Variants in COL5A2 observed in about 807,000 individuals in gnomAD.
The protein encoded by COL5A2 is collagen alpha-2(V) chain.
COL5A2 carries 23 observed loss-of-function variants against 208.2 expected under a neutral mutation model. The observed-to-expected ratio is 0.11, with a 90% CI of 0.08 to 0.16. The LOEUF is 0.16. COL5A2 is among the 10% of genes least tolerant of loss of function. The pLI is 1.00. For synonymous variants in COL5A2, 625 were observed against 628.5 expected (o/e 0.99, Z 0.08); for missense variants, 1,590 against 1,956.4 (o/e 0.81, Z 3.53).
intron 2 of COL5A2, among the ~76,000 whole-genome samples, chr2:189,105,898 A>G (rs1028226647): frequency 6.6e-6 from 1 of 151,500 alleles, no homozygotes; most frequent in Admixed American, 6.6e-5. Context: ...AACAAGGTTT[A>G]TGAAATAATT....
chr2:189,295,779 G>A, the COL5A2 span, among the ~76,000 whole-genome samples: 6 of 150,524 alleles, frequency 4.0e-5, no homozygotes, highest in African/African-American at 1.2e-4. Context: ...CTTAAATTCC[G>A]TGAGCCTCCT....
At chr2:189,343,210 A>G in the COL5A2 span, among the ~76,000 whole-genome samples, 1 of 152,102 alleles carries the variant, frequency 6.6e-6, no homozygotes, top group African/African-American at 2.4e-5. Context: ...ACAAAAATTT[A>G]CCATAGTCCA....
At chr2:189,124,428 T>A (rs1242649385) in intron 1 of COL5A2, among the ~76,000 whole-genome samples, 1 of 152,170 alleles carries the variant, frequency 6.6e-6, no homozygotes, top group Non-Finnish European at 1.5e-5. Flanking sequence ...ATTATTTAGT[T>A]CTGTTTAGAT....
the COL5A2 span, among the ~76,000 whole-genome samples, chr2:189,404,657 C>T: frequency 6.6e-6 from 1 of 152,210 alleles, no homozygotes; most frequent in Non-Finnish European, 1.5e-5. Flanking sequence ...TCCTCATCCA[C>T]ATATATCCTA....
At chr2:189,400,607 T>C in the COL5A2 span, among the ~76,000 whole-genome samples, 1 of 152,204 alleles carries the variant, frequency 6.6e-6, no homozygotes, top group Non-Finnish European at 1.5e-5. Flanking sequence ...TCATTCTTTT[T>C]TCTTTAACTT....
At chr2:189,156,303 C>T (rs1257386038) in intron 1 of COL5A2, among the ~76,000 whole-genome samples, 2 of 152,104 alleles carry the variant, frequency 1.3e-5, no homozygotes, top group African/African-American at 4.8e-5. Flanking sequence ...AGAATGACAA[C>T]ATTGCCCTTA....
the COL5A2 span, among the ~76,000 whole-genome samples, chr2:189,378,632 C>G: frequency 2.7e-5 from 4 of 150,710 alleles, no homozygotes; most frequent in African/African-American, 9.8e-5. Flanking sequence ...GCTGAGGCAG[C>G]AGAATGGCGT....
the COL5A2 span, among the ~76,000 whole-genome samples, chr2:189,378,914 A>G: frequency 6.6e-6 from 1 of 152,124 alleles, no homozygotes; most frequent in Non-Finnish European, 1.5e-5. Flanking sequence ...TCTTATGACT[A>G]TTATTTATTT....
the COL5A2 span, among the ~76,000 whole-genome samples, chr2:189,376,549 CAG>C: frequency 0.2 from 30,560 of 152,050 alleles, 3,277 homozygotes; most frequent in South Asian, 0.26. Context: ...CACCCAGGTA[CAG>C]AGTCTTTTTC....
the COL5A2 span, among the ~76,000 whole-genome samples, chr2:189,278,593 T>C: frequency 1.3e-5 from 2 of 152,254 alleles, no homozygotes; most frequent in Non-Finnish European, 1.5e-5. Context: ...TTTTCTTATA[T>C]CCTGTTTGGC....
At chr2:189,080,060 G>C in intron 13 of COL5A2, 29 bp from the exon 14 acceptor site, 2 of 1,587,322 alleles carry the variant, frequency 1.3e-6, no homozygotes, top group Non-Finnish European at 1.7e-6. Flanking sequence ...ATTTGTATTT[G>C]TATCCTGTTT....
the COL5A2 span, among the ~76,000 whole-genome samples, chr2:189,355,764 T>C: frequency 6.6e-6 from 1 of 152,214 alleles, no homozygotes. Flanking sequence ...ATGTGGCATT[T>C]AGCCTATTTA....
chr2:189,415,967 T>C, the COL5A2 span, among the ~76,000 whole-genome samples: 2 of 152,220 alleles, frequency 1.3e-5, no homozygotes, highest in Admixed American at 1.3e-4. Flanking sequence ...GCCAATGGAA[T>C]ATATTTTTAA....
At chr2:189,384,000 C>T in the COL5A2 span, among the ~76,000 whole-genome samples, 1 of 152,084 alleles carries the variant, frequency 6.6e-6, no homozygotes, top group African/African-American at 2.4e-5. Context: ...TGAGTGAGAA[C>T]ATGCAATATT....
chr2:189,193,732 C>T (rs1265637765), intron 1 of COL5A2, among the ~76,000 whole-genome samples: 1 of 152,194 alleles, frequency 6.6e-6, no homozygotes, highest in Non-Finnish European at 1.5e-5. Context: ...AGGGCATAAG[C>T]ACTCTCAGAT....
chr2:189,345,297 T>C, the COL5A2 span, among the ~76,000 whole-genome samples: 1 of 152,180 alleles, frequency 6.6e-6, no homozygotes, highest in Admixed American at 6.5e-5. Context: ...AAGCAAGATA[T>C]ATGTGGATGC....
At chr2:189,151,521 T>C (rs1034349113) in intron 1 of COL5A2, among the ~76,000 whole-genome samples, 1 of 152,166 alleles carries the variant, frequency 6.6e-6, no homozygotes, top group Non-Finnish European at 1.5e-5. Context: ...AAGGATGATC[T>C]AGATAACTGG....
Position 189,072,049 on chromosome 2 carries a change from A to G in COL5A2, c.1149T>C (p.Pro383=). 2 of 1,605,184 alleles carry G rather than the reference A, an allele frequency of 1.2e-6. No individual in the cohort carries two copies. Among genetic ancestry groups the G allele is most frequent in the Non-Finnish European group, 1.7e-6 (2 of 1,173,570 alleles). Residue 383 remains proline, a synonymous_variant, in exon 18 of 54, where the codon CCT becomes CCC. Transcript: ENST00000374866. ...AACATTAACATCTTACCTTCATTCC[A>G]GGATTTCCTGGAAAACCAGAAGAGC... The part of the protein sequence containing the change: ...IPGSSGFPGN[P]GMKGEAGPTG...
At chr2:189,325,323 A>ATAT in the COL5A2 span, among the ~76,000 whole-genome samples, 70 of 147,662 alleles carry the variant, frequency 4.7e-4, no homozygotes, top group African/African-American at 9.9e-4. Context: ...AATAAAAAAA[A>ATAT]ATATATATAT....
Sources: gnomAD v4.1 joint callset for allele counts (sites outside exome capture counted in the v4.1 genomes callset) on GRCh38, gnomAD v4.1.1 for gene constraint, MANE v1.5 for transcripts, NCBI Gene and HGNC (gene_info 2026-07-23, HGNC 2026-07-21) for gene names.